Variants in CPED1 observed in about 807,000 individuals in gnomAD.
CPED1 encodes cadherin like and PC-esterase domain containing 1, also known as cadherin-like and PC-esterase domain-containing protein 1.
CPED1 carries 114 observed loss-of-function variants against 128.2 expected under a neutral mutation model. That is an observed-to-expected ratio of 0.89 (90% CI 0.76 to 1.04). The LOEUF (loss-of-function observed/expected upper bound fraction) is 1.04. Ranked by LOEUF, CPED1 falls within the 50% of genes least tolerant of loss-of-function variation. The pLI is 0.00. For missense variants in CPED1, 1,211 were observed against 1,207.1 expected (o/e 1.00, Z -0.05); for synonymous variants, 462 against 426.7 (o/e 1.08, Z -1.02).
intron 2 of CPED1, among the ~76,000 whole-genome samples, chr7:120,994,660 T>TGTG (rs60506801): frequency 1.2e-4 from 15 of 127,330 alleles, no homozygotes; most frequent in African/African-American, 2.7e-4. Flanking sequence ...TGTGTGTGTG[T>TGTG]TGTTGTTGTT....
intron 16 of CPED1, among the ~76,000 whole-genome samples, chr7:121,190,758 G>A (rs946431674): frequency 4.0e-4 from 60 of 151,384 alleles, no homozygotes; most frequent in Non-Finnish European, 4.9e-4. Context: ...TTTTTTGACC[G>A]TCAAAAACTT....
chr7:121,110,323 T>A (rs1795079174), intron 7 of CPED1, among the ~76,000 whole-genome samples: 2 of 152,086 alleles, frequency 1.3e-5, no homozygotes, highest in African/African-American at 2.4e-5. Flanking sequence ...GAATGACAGA[T>A]GAAAAACAGA....
chr7:121,250,363 A>G (rs1194268941), intron 18 of CPED1, among the ~76,000 whole-genome samples: 1 of 151,888 alleles, frequency 6.6e-6, no homozygotes. Context: ...CCCACAAGAG[A>G]AAGCAGGAAA....
At position 121,296,306 on chromosome 7, in the gene CPED1, C is replaced by A. The variant is rs1233065587; in HGVS notation, c.*654C>A. 6.6e-6 allele frequency: 1 copy of A among 152,160 alleles called. No homozygotes were observed. The highest frequency in any genetic ancestry group is 1.5e-5 in the Non-Finnish European group (1 of 68,010). 9.4% of individuals were successfully genotyped at this position (152,160 alleles called of 1,614,324 possible). On this transcript the variant is annotated 3_prime_UTR_variant, in exon 23 of 23. Coordinates refer to ENST00000310396, the MANE Select transcript of CPED1 (RefSeq NM_024913.5). ...AAACACCAATATATTCAACTTTACA[C>A]TTCTTGTGTTTTTCATAAACATTCC... is the stretch of plus-strand genomic sequence containing the variant.
chr7:121,167,686 T>C (rs1162455466), intron 16 of CPED1, among the ~76,000 whole-genome samples: 1 of 151,524 alleles, frequency 6.6e-6, no homozygotes, highest in Non-Finnish European at 1.5e-5. Flanking sequence ...TGAAGAAAAC[T>C]ACTAGAACCC....
intron 16 of CPED1, among the ~76,000 whole-genome samples, chr7:121,198,861 C>T (rs180895688): frequency 4.6e-5 from 7 of 152,242 alleles, no homozygotes; most frequent in South Asian, 4.1e-4. Flanking sequence ...GCCTGTTACA[C>T]GGACCTTCAA....
chr7:121,124,258 A>T, intron 7 of CPED1, 73 bp from the exon 8 acceptor site: 24 of 1,393,208 alleles, frequency 1.7e-5, no homozygotes, highest in Non-Finnish European at 2.2e-5. Flanking sequence ...AATCCTTCAA[A>T]TTGGTCACCT....
At chr7:121,189,760 TTA>T (rs377035175) in intron 16 of CPED1, among the ~76,000 whole-genome samples, 4,090 of 47,412 alleles carry the variant, frequency 0.086, 173 homozygotes, top group South Asian at 0.13. Flanking sequence ...TTATGAGGTT[TTA>T]TATATATATA....
chr7:121,257,866 C>T, intron 18 of CPED1, among the ~76,000 whole-genome samples: 1 of 151,980 alleles, frequency 6.6e-6, no homozygotes, highest in Non-Finnish European at 1.5e-5. Context: ...AGAAATACAA[C>T]TAATATATTT....
intron 16 of CPED1, among the ~76,000 whole-genome samples, chr7:121,204,375 G>A (rs1292066058): frequency 6.6e-6 from 1 of 152,056 alleles, no homozygotes; most frequent in African/African-American, 2.4e-5. Context: ...AAAAAATATT[G>A]GAAAGGCCCA....
intron 16 of CPED1, among the ~76,000 whole-genome samples, chr7:121,144,179 A>T (rs1168060140): frequency 6.6e-6 from 1 of 152,062 alleles, no homozygotes; most frequent in Middle Eastern, 3.2e-3. Flanking sequence ...CAGCAATCCC[A>T]CTGCTGAGTA....
intron 6 of CPED1, among the ~76,000 whole-genome samples, chr7:121,098,907 G>A (rs1794771675): frequency 6.7e-6 from 1 of 149,274 alleles, no homozygotes. Context: ...GAAATATGAT[G>A]TAGAAAAGCA....
At position 121,295,861 on chromosome 7, in the gene CPED1, C is replaced by T. The variant is rs987089851; in HGVS notation, c.*209C>T. On this transcript the variant is annotated 3_prime_UTR_variant, in exon 23 of 23. Coordinates refer to ENST00000310396, the MANE Select transcript of CPED1 (RefSeq NM_024913.5). ...TGAATTCAAGATGTGACCTTGAACA[C>T]CAGTCCATTTCACAGTGAAAGATAT... The T allele has an allele frequency of 1.3e-4, 63 of 475,144 alleles. No homozygotes were observed. Among genetic ancestry groups the T allele is most frequent in the Non-Finnish European group, 1.5e-4 (39 of 266,282 alleles). The allele number at this position is 475,144 out of a possible 1,614,324, so 29.4% of individuals were successfully genotyped here.
intron 11 of CPED1, 66 bp from the exon 12 acceptor site, chr7:121,130,059 C>G (rs1795623543): frequency 8.3e-7 from 1 of 1,208,932 alleles, no homozygotes; most frequent in Middle Eastern, 1.9e-4. Flanking sequence ...AAGTATAAGG[C>G]TGTTCATAGT....
At chr7:121,285,507 C>G (rs1372642919) in intron 22 of CPED1, among the ~76,000 whole-genome samples, 1 of 152,154 alleles carries the variant, frequency 6.6e-6, no homozygotes, top group Non-Finnish European at 1.5e-5. Context: ...TCTGCTTCCT[C>G]TTGAACACTT....
chr7:121,295,681 C>T lies in CPED1; in HGVS notation c.*29C>T, dbSNP rs187347961. 5.7e-5 allele frequency: 91 copies of T among 1,594,938 alleles called. No homozygotes were observed. The East Asian group carries it at 2.0e-3, about 35-fold the overall frequency. Reference sequence around the variant, plus strand: ...CCCTGCAGGAGAGCTGAATCTGGAGCTGGAGACGAGCTAGTCACCCGGACA... The same window carrying T: ...CCCTGCAGGAGAGCTGAATCTGGAGTTGGAGACGAGCTAGTCACCCGGACA... On this transcript the variant is annotated 3_prime_UTR_variant, in exon 23 of 23. Transcript: ENST00000310396.
At position 121,129,317 on chromosome 7, in the gene CPED1, ATATATATATATATATATACG is replaced by A. The variant is rs1315073779; in HGVS notation, c.1408-793_1408-774del. 1.4e-4 allele frequency among the ~76,000 whole-genome samples: 18 copies of A among 126,808 alleles called. 1 individual carries two copies. The highest frequency in any genetic ancestry group is 2.2e-4 in the African/African-American group (7 of 32,502). 83.2% of individuals were successfully genotyped at this position (126,808 alleles called of 152,430 possible). ...TATATATATATATATATATACGTAT[ATATATATATATATATATACG>A]TATATATATATATACATACATACAC... On this transcript the variant is annotated intron_variant, in intron 11 of 22. Coordinates refer to ENST00000310396, the MANE Select transcript of CPED1 (RefSeq NM_024913.5).
chr7:121,099,820 C>T (rs1416653802), intron 6 of CPED1, 106 bp from the exon 7 acceptor site: 16 of 1,136,746 alleles, frequency 1.4e-5, no homozygotes, highest in South Asian at 3.2e-5. Context: ...TGAGGGCTGG[C>T]GTCCTACAAA....
intron 2 of CPED1, among the ~76,000 whole-genome samples, chr7:120,994,953 T>G (rs907584455): frequency 2.6e-5 from 4 of 152,182 alleles, no homozygotes; most frequent in African/African-American, 9.7e-5. Context: ...TTTCCATGTG[T>G]GTTCTTGAAC....
Sources: allele counts gnomAD v4.1 joint callset (sites outside exome capture counted in the v4.1 genomes callset), GRCh38; gene constraint gnomAD v4.1.1; transcripts MANE v1.5; gene names NCBI Gene and HGNC (gene_info 2026-07-23, HGNC 2026-07-21).